The following PSD3 variants were observed in gnomAD, a reference collection of about 807,000 sequenced individuals.
PSD3 encodes PH and SEC7 domain-containing protein 3.
PSD3 carries 49 observed loss-of-function variants against 105.5 expected under a neutral mutation model. That is an observed-to-expected ratio of 0.46 (90% confidence interval 0.37 to 0.59). The LOEUF is 0.59. Among genes scored for constraint, PSD3 ranks in the 20% least tolerant of loss-of-function variants. The pLI is 0.00. For synonymous variants in PSD3, 557 were observed against 457.8 expected (o/e 1.22, Z -2.77); for missense variants, 1,561 against 1,263.8 (o/e 1.24, Z -3.57).
At chr8:18,827,977 T>C (rs1813337715) in intron 4 of PSD3, among the ~76,000 whole-genome samples, 1 of 147,626 alleles carries the variant, frequency 6.8e-6, no homozygotes, top group East Asian at 2.0e-4. Context: ...ACTTAAATCA[T>C]TTGGGTCTCA....
At chr8:18,669,383 G>C (rs1299107022) in intron 9 of PSD3, among the ~76,000 whole-genome samples, 2 of 152,142 alleles carry the variant, frequency 1.3e-5, no homozygotes, top group Non-Finnish European at 2.9e-5. Context: ...GTAAATTAGG[G>C]ACAGAAAGAA....
At chr8:19,012,643 T>C (rs1827005664) in intron 1 of PSD3, among the ~76,000 whole-genome samples, 2 of 152,250 alleles carry the variant, frequency 1.3e-5, no homozygotes, top group South Asian at 4.1e-4. Context: ...AGCACGCTTC[T>C]TGAAAGCAGA....
chr8:18,726,705 G>A (rs12550013), intron 9 of PSD3, among the ~76,000 whole-genome samples: 9,235 of 152,222 alleles, frequency 0.061, 408 homozygotes, highest in East Asian at 0.18. Flanking sequence ...GGTATCAACT[G>A]AATGAACCTA....
intron 10 of PSD3, 54 bp from the exon 11 acceptor site, chr8:18,632,860 G>T (rs1048588590): frequency 4.0e-5 from 54 of 1,356,574 alleles, no homozygotes; most frequent in Non-Finnish European, 5.2e-5. Flanking sequence ...AATATTCAAA[G>T]AAAAAGGTAA....
At chr8:18,642,220 G>A (rs1319797324) in intron 10 of PSD3, among the ~76,000 whole-genome samples, 1 of 151,920 alleles carries the variant, frequency 6.6e-6, no homozygotes, top group African/African-American at 2.4e-5. Flanking sequence ...AATACACTGG[G>A]GTCAAGCCAC....
intron 15 of PSD3, among the ~76,000 whole-genome samples, chr8:18,553,124 G>C (rs1371647495): frequency 6.6e-6 from 1 of 152,094 alleles, no homozygotes; most frequent in East Asian, 1.9e-4. Context: ...TAACACTCCT[G>C]GTGTTATTAC....
intron 1 of PSD3, among the ~76,000 whole-genome samples, chr8:18,959,344 A>C (rs1475575535): frequency 1.3e-5 from 2 of 152,140 alleles, no homozygotes; most frequent in Admixed American, 1.3e-4. Flanking sequence ...CATGAATTCC[A>C]ACTGAAAAAG....
chr8:18,686,631 C>A (rs942677682), intron 9 of PSD3, among the ~76,000 whole-genome samples: 1 of 152,164 alleles, frequency 6.6e-6, no homozygotes, highest in African/African-American at 2.4e-5. Context: ...ACCTCAGCAT[C>A]CAGGGGCCCT....
chr8:19,038,955 A>G (rs2129476604), intron 1 of PSD3, among the ~76,000 whole-genome samples: 1 of 152,356 alleles, frequency 6.6e-6, no homozygotes, highest in East Asian at 1.9e-4. Context: ...AAGGACAGAC[A>G]GTAAATGCTG....
In PSD3 at chr8:18,628,297, T is replaced by C. The variant is rs912619921; in HGVS notation, c.2410+4316A>G. 2.6e-5 allele frequency among the ~76,000 whole-genome samples: 4 copies of C among 151,870 alleles called. No individual in the cohort carries two copies. In the East Asian group the frequency reaches 7.7e-4, roughly 29 times the overall value. ...CTAAGGCATCACATAATAAAATTGA[T>C]GAAAACCAGAGATAGAAAAATCTTG... On this transcript the variant is annotated intron_variant, in intron 11 of 15. Coordinates refer to ENST00000327040, the MANE Select transcript of PSD3 (RefSeq NM_015310.4).
chr8:18,753,920 C>A (rs1009040313), intron 9 of PSD3, among the ~76,000 whole-genome samples: 1 of 152,140 alleles, frequency 6.6e-6, no homozygotes, highest in African/African-American at 2.4e-5. Context: ...CAAAACAACT[C>A]CAGATGTACC....
chr8:18,633,387 T>G (rs1276822372), intron 10 of PSD3, among the ~76,000 whole-genome samples: 1 of 152,038 alleles, frequency 6.6e-6, no homozygotes, highest in Non-Finnish European at 1.5e-5. Flanking sequence ...CACAGTGCTT[T>G]GGCATGTGAC....
At chr8:18,621,705 AC>A (rs1272385798) in intron 11 of PSD3, among the ~76,000 whole-genome samples, 1 of 152,136 alleles carries the variant, frequency 6.6e-6, no homozygotes, top group African/African-American at 2.4e-5. Context: ...TCCGTTACAC[AC>A]CCTGCTGCCA....
At chr8:18,775,254 T>C (rs1250025509) in intron 8 of PSD3, among the ~76,000 whole-genome samples, 1 of 152,212 alleles carries the variant, frequency 6.6e-6, no homozygotes, top group African/African-American at 2.4e-5. Context: ...TCTATATCCA[T>C]TCATCTATAA....
intron 2 of PSD3, among the ~76,000 whole-genome samples, chr8:18,899,333 A>T (rs140875335): frequency 0.047 from 7,133 of 152,150 alleles, 205 homozygotes; most frequent in South Asian, 0.081. Context: ...ATTGGCTCAA[A>T]TGTAAATCCT....
intron 1 of PSD3, among the ~76,000 whole-genome samples, chr8:18,951,978 A>AAAAC (rs753971074): frequency 4.6e-5 from 7 of 152,180 alleles, no homozygotes; most frequent in South Asian, 2.1e-4. Flanking sequence ...TCAAAAAAGA[A>AAAAC]AAACAAACAA....
intron 1 of PSD3, among the ~76,000 whole-genome samples, chr8:18,943,220 C>A (rs1379090029): frequency 6.6e-6 from 1 of 152,144 alleles, no homozygotes; most frequent in Non-Finnish European, 1.5e-5. Flanking sequence ...ACAGTAGTTC[C>A]ATTTCTGTTT....
intron 8 of PSD3, among the ~76,000 whole-genome samples, chr8:18,797,810 AG>A (rs1810319306): frequency 6.6e-6 from 1 of 152,150 alleles, no homozygotes; most frequent in South Asian, 2.1e-4. Flanking sequence ...AACTTTTCTC[AG>A]TTAACAGATG....
intron 1 of PSD3, among the ~76,000 whole-genome samples, chr8:18,948,000 T>C (rs932693153): frequency 6.6e-6 from 1 of 152,138 alleles, no homozygotes; most frequent in East Asian, 1.9e-4. Context: ...ATGAAAGAAT[T>C]TGAAGAAAAT....
Sources: allele counts gnomAD v4.1 joint callset (sites outside exome capture counted in the v4.1 genomes callset), GRCh38; gene constraint gnomAD v4.1.1; transcripts MANE v1.5; gene names NCBI Gene and HGNC (gene_info 2026-07-23, HGNC 2026-07-21).